SHANK2: variants seen among roughly 807,000 people sequenced by gnomAD.
SHANK2 encodes SH3 and multiple ankyrin repeat domains 2.
SHANK2 carries 43 observed loss-of-function variants against 133.7 expected under a neutral mutation model. That is an observed-to-expected ratio of 0.32 (90% CI 0.25 to 0.41). The LOEUF (loss-of-function observed/expected upper bound fraction) is 0.41, where lower values mean the gene tolerates loss of function less well. Among genes scored for constraint, SHANK2 ranks in the 10% least tolerant of loss-of-function variants. The pLI, the probability that SHANK2 is intolerant of heterozygous loss-of-function variation, is 1.00. For missense variants in SHANK2, 1,994 were observed against 2,235.8 expected, an observed-to-expected ratio of 0.89 and a Z score of 2.18; for synonymous variants, 1,017 against 952.8, an observed-to-expected ratio of 1.07 and a Z score of -1.24.
intron 1 of SHANK2, among the ~76,000 whole-genome samples, chr11:71,250,318 C>T (rs1246825646): frequency 2.0e-5 from 3 of 152,160 alleles, no homozygotes; most frequent in African/African-American, 4.8e-5. Flanking sequence ...CAAGGAATTC[C>T]TGGGTGTAAT....
intron 8 of SHANK2, among the ~76,000 whole-genome samples, chr11:71,077,142 C>T (rs899129284): frequency 2.0e-5 from 3 of 152,150 alleles, no homozygotes; most frequent in Admixed American, 6.5e-5. Flanking sequence ...CTCACCCAGT[C>T]GTTTGCATTG....
At chr11:70,785,805 G>A (rs868937955) in intron 14 of SHANK2, among the ~76,000 whole-genome samples, 1 of 152,190 alleles carries the variant, frequency 6.6e-6, no homozygotes, top group African/African-American at 2.4e-5. Flanking sequence ...CCCCATCTCG[G>A]GCACCAGGCT....
chr11:71,116,471 G>A (rs1265179275), intron 4 of SHANK2, among the ~76,000 whole-genome samples: 2 of 152,234 alleles, frequency 1.3e-5, no homozygotes, highest in Non-Finnish European at 2.9e-5. Flanking sequence ...GAAATGTGTA[G>A]GGCTGCCCCG....
intron 3 of SHANK2, among the ~76,000 whole-genome samples, chr11:71,120,985 C>A (rs1193977247): frequency 6.6e-6 from 1 of 152,218 alleles, no homozygotes; most frequent in African/African-American, 2.4e-5. Flanking sequence ...AGGTGTCCAC[C>A]GTCATTTGTG....
intron 1 of SHANK2, among the ~76,000 whole-genome samples, chr11:71,244,892 T>C (rs1408769646): frequency 1.3e-5 from 2 of 152,084 alleles, no homozygotes; most frequent in Non-Finnish European, 2.9e-5. Context: ...TTAGTGGAGA[T>C]GGGGTTTCAC....
chr11:70,622,714 C>G (rs1478017181), intron 17 of SHANK2, among the ~76,000 whole-genome samples: 1 of 152,142 alleles, frequency 6.6e-6, no homozygotes, highest in Non-Finnish European at 1.5e-5. Flanking sequence ...CTGCGAAGAC[C>G]GTGTTTCCAA....
intron 25 of SHANK2, among the ~76,000 whole-genome samples, chr11:70,484,141 C>T (rs1215057263): frequency 6.6e-6 from 1 of 152,212 alleles, no homozygotes; most frequent in African/African-American, 2.4e-5. Context: ...GGAAGGAGAA[C>T]CAAGAACCAT....
intron 2 of SHANK2, among the ~76,000 whole-genome samples, chr11:71,168,900 C>T (rs1374026617): frequency 2.0e-5 from 3 of 152,116 alleles, no homozygotes; most frequent in Non-Finnish European, 2.9e-5. Context: ...TTTGACAACA[C>T]TGATAAAAGG....
At chr11:70,832,792 C>T (rs1453385903) in intron 11 of SHANK2, among the ~76,000 whole-genome samples, 20 of 152,150 alleles carry the variant, frequency 1.3e-4, no homozygotes, top group East Asian at 3.9e-4. Flanking sequence ...GCCACAGCCA[C>T]GCTACCAGCT....
chr11:70,585,682 C>A (rs1206048163), intron 17 of SHANK2, among the ~76,000 whole-genome samples: 6 of 151,756 alleles, frequency 4.0e-5, no homozygotes, highest in Non-Finnish European at 8.8e-5. Context: ...CACCCCACTA[C>A]CCACTCATCT....
intron 14 of SHANK2, among the ~76,000 whole-genome samples, chr11:70,760,124 C>A (rs1555039847): frequency 6.6e-6 from 1 of 152,240 alleles, no homozygotes; most frequent in African/African-American, 2.4e-5. Context: ...AAGCCTCCAC[C>A]CCAGGTGAAC....
chr11:71,193,557 A>G (rs544395569), intron 2 of SHANK2, among the ~76,000 whole-genome samples: 116 of 152,274 alleles, frequency 7.6e-4, no homozygotes, highest in African/African-American at 2.7e-3. Flanking sequence ...CTGAGGTCAA[A>G]GGGTACTGGC....
chr11:71,206,751 A>G (rs1189368807), intron 2 of SHANK2, among the ~76,000 whole-genome samples: 2 of 152,188 alleles, frequency 1.3e-5, no homozygotes, highest in Non-Finnish European at 2.9e-5. Flanking sequence ...CCTGGGCAAC[A>G]TAGCAAGACG....
rs377576203 is a variant in SHANK2, at chr11:70,672,666, T to G, written c.1854-10988A>C. Among the ~76,000 whole-genome samples, 68 of 152,352 alleles carry G rather than the reference T, an allele frequency of 4.5e-4. No homozygotes were observed. In the East Asian group the frequency reaches 8.9e-3, roughly 20 times the overall value. Reference sequence around the variant, plus strand: ...TCCTGTGTCCCCAGCCCTCCAGCTTTTCTCTCTGCTTTGCTTTCTTCTGGC... The same window carrying G: ...TCCTGTGTCCCCAGCCCTCCAGCTTGTCTCTCTGCTTTGCTTTCTTCTGGC... On this transcript the variant is annotated intron_variant, in intron 15 of 25. Transcript: ENST00000601538.
chr11:71,103,983 T>TCC, intron 6 of SHANK2, among the ~76,000 whole-genome samples: 1 of 151,638 alleles, frequency 6.6e-6, no homozygotes, highest in South Asian at 2.1e-4. Context: ...CCCTTTGCCT[T>TCC]CCGCCATGCG....
intron 2 of SHANK2, among the ~76,000 whole-genome samples, chr11:71,163,027 C>G (rs57067273): frequency 0.058 from 8,302 of 142,038 alleles, 530 homozygotes; most frequent in African/African-American, 0.16. Flanking sequence ...GAGCCGAGAT[C>G]GCGCCACTGC....
chr11:70,685,164 A>C (rs977373263), intron 15 of SHANK2, among the ~76,000 whole-genome samples: 1 of 152,018 alleles, frequency 6.6e-6, no homozygotes, highest in Non-Finnish European at 1.5e-5. Flanking sequence ...AAAAACCCCC[A>C]AAAAACAAAA....
At chr11:70,724,745 C>A (rs1946145341) in intron 14 of SHANK2, among the ~76,000 whole-genome samples, 1 of 152,232 alleles carries the variant, frequency 6.6e-6, no homozygotes, top group South Asian at 2.1e-4. Context: ...TGTGTCCAAA[C>A]ACCAGCTCAG....
intron 17 of SHANK2, among the ~76,000 whole-genome samples, chr11:70,522,577 T>A (rs1554971245): frequency 6.6e-6 from 1 of 152,212 alleles, no homozygotes; most frequent in Admixed American, 6.5e-5. Context: ...CTATCGTCTC[T>A]CATCCTACCC....
Sources: gnomAD v4.1 joint callset for allele counts (sites outside exome capture counted in the v4.1 genomes callset) on GRCh38, gnomAD v4.1.1 for gene constraint, MANE v1.5 for transcripts, NCBI Gene and HGNC (gene_info 2026-07-23, HGNC 2026-07-21) for gene names.